Variants in DDHD1 observed in about 807,000 individuals in gnomAD.
The protein encoded by DDHD1 is phospholipase DDHD1.
DDHD1 carries 49 observed loss-of-function variants against 96.4 expected under a neutral mutation model. The observed-to-expected ratio is 0.51, with a 90% CI of 0.40 to 0.64. The LOEUF (loss-of-function observed/expected upper bound fraction) is 0.64, where lower values mean the gene tolerates loss of function less well. Ranked by LOEUF, DDHD1 falls within the 30% of genes least tolerant of loss-of-function variation. The probability of loss-of-function intolerance (pLI) is 0.00; values close to 1 mark genes in which losing one functional copy is unlikely to be tolerated. For missense variants in DDHD1, 1,106 were observed against 1,161.2 expected (o/e 0.95, Z 0.69); for synonymous variants, 442 against 446.5 (o/e 0.99, Z 0.13).
rs55671452 is a variant in DDHD1 at position 53,152,762 on chromosome 14, T to TGCCGCCGCCGCCGCCGCC, written c.336_337insGGCGGCGGCGGCGGCGGC (p.Gly112_Ser113insGlyGlyGlyGlyGlyGly). ...TGCGGCGGGTGCAGCGACAAGGAGC[T>TGCCGCCGCCGCCGCCGCC]GCCGCCGCCGCCGCTCTCACCCTCG... On this transcript the variant is annotated inframe_insertion, in exon 1 of 13. Coordinates refer to ENST00000673822, the MANE Select transcript of DDHD1 (RefSeq NM_001160148.2). The TGCCGCCGCCGCCGCCGCC allele has an allele frequency of 4.2e-5, 67 of 1,576,654 alleles. No homozygotes were observed. The highest frequency in any genetic ancestry group is 2.3e-4 in the South Asian group (20 of 87,880).
At position 53,152,824 on chromosome 14, in the gene DDHD1, C is replaced by G. The variant is rs1368813015; in HGVS notation, c.275G>C (p.Ser92Thr). ...PCLSDENYDFSSAESGSSLRY... is the reference protein window; with the variant it reads ...PCLSDENYDFTSAESGSSLRY... ...CAGCGAGGAGCCCGACTCGGCGGAGCTGAAGTCATAGTTCTCGTCACTGAG... is the reference window on the plus strand; with the variant it reads ...CAGCGAGGAGCCCGACTCGGCGGAGGTGAAGTCATAGTTCTCGTCACTGAG... Residue 92 changes from serine to threonine, a missense_variant, in exon 1 of 13, where the codon AGC (serine) becomes ACC (threonine). Ser to Thr is a moderately conservative substitution (Grantham distance 58). Coordinates refer to ENST00000673822, the MANE Select transcript of DDHD1 (RefSeq NM_001160148.2). The G allele has an allele frequency of 6.2e-7, 1 of 1,611,322 alleles. No individual in the cohort carries two copies. The highest frequency in any genetic ancestry group is 1.3e-5 in the African/African-American group (1 of 74,518).
chr14:53,046,741 T>C lies in DDHD1; in HGVS notation c.*27A>G, dbSNP rs765524465. 4 of 1,474,004 alleles carry C rather than the reference T, an allele frequency of 2.7e-6. No homozygotes were observed. Among genetic ancestry groups the C allele is most frequent in the Non-Finnish European group, 3.6e-6 (4 of 1,110,286 alleles). 91.3% of individuals were successfully genotyped at this position (1,474,004 alleles called of 1,614,324 possible). A position where few individuals can be genotyped will look rare whatever the true frequency, so the allele number is the denominator to read the frequency against. Reference sequence around the variant, plus strand: ...TAACGGAAAAAAAAAAAATCAGTTTTAGGCCATTCATGTCCTTCAAGAGAG... The same window carrying C: ...TAACGGAAAAAAAAAAAATCAGTTTCAGGCCATTCATGTCCTTCAAGAGAG... On this transcript the variant is annotated 3_prime_UTR_variant, in exon 13 of 13. Transcript: ENST00000673822.
intron 1 of DDHD1, among the ~76,000 whole-genome samples, chr14:53,121,600 C>T (rs144318257): frequency 0.031 from 4,705 of 152,162 alleles, 239 homozygotes; most frequent in African/African-American, 0.1. Flanking sequence ...ACTATGCAGC[C>T]ATAAAAAAGG....
chr14:53,147,459 G>A lies in DDHD1; in HGVS notation c.838+4802C>T, dbSNP rs570723872. 1.2e-3 allele frequency among the ~76,000 whole-genome samples: 176 copies of A among 152,302 alleles called. 1 individual carries two copies. Among genetic ancestry groups the A allele is most frequent in the African/African-American group, 4.0e-3 (165 of 41,558 alleles). On this transcript the variant is annotated intron_variant, in intron 1 of 12. Coordinates refer to ENST00000673822, the MANE Select transcript of DDHD1 (RefSeq NM_001160148.2). ...ATGCATTATAACATTTTGGCCATAC[G>A]TAAGGTGAATCAATAACTGATATTA... is the stretch of plus-strand genomic sequence containing the variant.
intron 1 of DDHD1, among the ~76,000 whole-genome samples, chr14:53,104,234 C>G (rs1197744655): frequency 2.0e-5 from 3 of 152,140 alleles, no homozygotes; most frequent in Non-Finnish European, 4.4e-5. Flanking sequence ...TGAGCTGCTG[C>G]GCCTGGCCCA....
chr14:53,070,479 T>A (rs187599189), intron 6 of DDHD1, among the ~76,000 whole-genome samples: 3 of 152,328 alleles, frequency 2.0e-5, no homozygotes, highest in Admixed American at 2.0e-4. Context: ...CTATTGATAC[T>A]ATTTTGGGTT....
At chr14:53,061,086 A>T (rs1264790405) in intron 8 of DDHD1, 40 bp downstream of exon 8, 1 of 1,552,946 alleles carries the variant, frequency 6.4e-7, no homozygotes, top group Non-Finnish European at 8.8e-7. Flanking sequence ...TAAAAAAAAT[A>T]CTGAGATCAA....
At chr14:53,138,133 G>A (rs574610283) in intron 1 of DDHD1, among the ~76,000 whole-genome samples, 22 of 152,312 alleles carry the variant, frequency 1.4e-4, no homozygotes, top group South Asian at 6.2e-4. Flanking sequence ...GGCTGGGTGC[G>A]GTGGCCCATG....
At position 53,103,801 on chromosome 14, in the gene DDHD1, C is replaced by G; in HGVS notation, c.894G>C (p.Gln298His). ...AATTACTTTCTTCCTCTTCTAGAGG[C>G]TGCCAAGTGCCGTCAATAAACCACT... ...RGQWFIDGTW[Q>H]PLEEEESNLI... is the part of the protein sequence containing the mutation. Residue 298 changes from glutamine (Q) to histidine (H), a missense_variant, in exon 2 of 13, where the codon CAG (glutamine) becomes CAC (histidine). Around this residue, in one of 2 missense-constraint regions of DDHD1, gnomAD observed 650 missense variants for 758.8 expected, o/e 0.86. Transcript: ENST00000673822. 16 of 1,612,886 alleles carry G rather than the reference C, an allele frequency of 9.9e-6. No individual in the cohort carries two copies. Among genetic ancestry groups the G allele is most frequent in the Non-Finnish European group, 1.4e-5 (16 of 1,179,608 alleles).
At chr14:53,133,981 C>A (rs866609465) in intron 1 of DDHD1, among the ~76,000 whole-genome samples, 2 of 152,182 alleles carry the variant, frequency 1.3e-5, no homozygotes, top group Admixed American at 6.5e-5. Flanking sequence ...CTGTGTCCAT[C>A]GGACAGCCAG....
chr14:53,077,681 T>TA (rs199780906), intron 4 of DDHD1, among the ~76,000 whole-genome samples: 4,351 of 149,684 alleles, frequency 0.029, 208 homozygotes, highest in African/African-American at 0.099. Flanking sequence ...TTTTTTTTTT[T>TA]AAAAAACAAT....
intron 5 of DDHD1, 113 bp from the exon 6 acceptor site, chr14:53,072,816 A>G (rs908857078): frequency 2.4e-5 from 13 of 550,526 alleles, no homozygotes; most frequent in Non-Finnish European, 3.1e-5. Context: ...GTTAACATTT[A>G]AATATTCAAG....
intron 1 of DDHD1, among the ~76,000 whole-genome samples, chr14:53,120,736 G>T (rs1349382589): frequency 6.6e-6 from 1 of 152,138 alleles, no homozygotes; most frequent in Non-Finnish European, 1.5e-5. Flanking sequence ...GGGAAAACTG[G>T]CTAGTTATAT....
At chr14:53,076,343 C>T (rs1884958788) in intron 4 of DDHD1, among the ~76,000 whole-genome samples, 1 of 152,208 alleles carries the variant, frequency 6.6e-6, no homozygotes, top group Middle Eastern at 3.4e-3. Context: ...GAAGTAACTG[C>T]AGATGTATTG....
intron 2 of DDHD1, among the ~76,000 whole-genome samples, chr14:53,102,799 G>A (rs889983232): frequency 1.8e-4 from 28 of 151,594 alleles, no homozygotes; most frequent in African/African-American, 5.8e-4. Flanking sequence ...CACATAATTC[G>A]TTTTTTTCAA....
rs768218872 is a variant in DDHD1 at position 53,152,512 on chromosome 14, G to T, written c.587C>A (p.Thr196Asn). 6 of 1,613,382 alleles carry T rather than the reference G, an allele frequency of 3.7e-6. 1 individual carries two copies. In the South Asian group the frequency reaches 6.6e-5, roughly 18 times the overall value. ...DSLRIELAFRTLLQTTGARPQ... is the reference protein window; with the variant it reads ...DSLRIELAFRNLLQTTGARPQ... ...CCGGGCACCCGTGGTCTGCAGCAGG[G>T]TCCGGAAGGCGAGCTCGATGCGGAG... The change falls in exon 1 of 13, where the codon ACC becomes AAC. Residue 196 changes from threonine (T) to asparagine (N), a missense_variant. Transcript: ENST00000673822.
At chr14:53,085,858 A>G (rs886492835) in intron 4 of DDHD1, among the ~76,000 whole-genome samples, 1 of 152,326 alleles carries the variant, frequency 6.6e-6, no homozygotes, top group African/African-American at 2.4e-5. Flanking sequence ...TCTCTGAGCT[A>G]AAGGAGCATG....
chr14:53,058,644 T>C lies in DDHD1; in HGVS notation c.1843-18A>G. On this transcript the variant is annotated intron_variant, in intron 8 of 12. Transcript: ENST00000673822. The stretch of plus-strand genomic sequence containing the variant: ...TTCTCAACCTAAAATGATAAAGTCA[T>C]CTTAAAGTTTAAAAATGGTGAAGTG... 1 of 1,574,872 alleles carries C rather than the reference T, an allele frequency of 6.3e-7. No individual in the cohort carries two copies. The highest frequency in any genetic ancestry group is 8.6e-7 in the Non-Finnish European group (1 of 1,161,764).
At position 53,058,690 on chromosome 14, in the gene DDHD1, G is replaced by A. The variant is rs1883279520; in HGVS notation, c.1843-64C>T. On this transcript the variant is annotated intron_variant, in intron 8 of 12. Transcript: ENST00000673822. ...AAGTGTTATCTTTCAACAAAATTTG[G>A]GCATAACGTAATATATGGCAAAATA... 18 of 1,477,036 alleles carry A rather than the reference G, an allele frequency of 1.2e-5. No individual in the cohort carries two copies. The South Asian group carries it at 1.7e-4, about 14-fold the overall frequency. 91.5% of individuals were successfully genotyped at this position (1,477,036 alleles called of 1,614,324 possible).
Sources: gnomAD v4.1 joint callset for allele counts (sites outside exome capture counted in the v4.1 genomes callset) on GRCh38, gnomAD v4.1.1 for gene constraint, gnomAD v4.1.1 regional missense constraint, MANE v1.5 for transcripts, NCBI Gene and HGNC (gene_info 2026-07-23, HGNC 2026-07-21) for gene names.